Variants in IGFL4 observed in about 807,000 individuals in gnomAD.
The protein encoded by IGFL4 is IGF like family member 4.
In IGFL4, 12 loss-of-function variants were observed where a neutral mutation model predicts 15.4. That is an observed-to-expected ratio of 0.78 (90% CI 0.50 to 1.26). The LOEUF is 1.26. IGFL4 is among the 50% of genes most tolerant of loss of function. The probability of loss-of-function intolerance (pLI) is 0.00; values close to 1 mark genes in which losing one functional copy is unlikely to be tolerated. For synonymous variants in IGFL4, 54 were observed against 55.9 expected (o/e 0.97, Z 0.16); for missense variants, 126 against 147.8 (o/e 0.85, Z 0.76).
At chr19:46,076,361 T>C (rs1017751180) in intron 1 of IGFL4, among the ~76,000 whole-genome samples, 4 of 152,320 alleles carry the variant, frequency 2.6e-5, no homozygotes, top group Non-Finnish European at 2.9e-5. Context: ...TGGGAGCTCT[T>C]CTGTTGGCCC....
chr19:46,043,060 C>T (rs1969262213), upstream of IGFL4, among the ~76,000 whole-genome samples: 1 of 152,124 alleles, frequency 6.6e-6, no homozygotes, highest in South Asian at 2.1e-4. Context: ...AACCTACCCC[C>T]AAAGCTCCGG....
intron 1 of IGFL4, among the ~76,000 whole-genome samples, chr19:46,066,543 T>C (rs1969496610): frequency 6.6e-6 from 1 of 152,188 alleles, no homozygotes; most frequent in Non-Finnish European, 1.5e-5. Flanking sequence ...AGACGCTTAT[T>C]TGGCTCATGC....
At position 46,040,071 on chromosome 19, in the gene IGFL4, G is replaced by A. The variant is rs2146507244; in HGVS notation, c.330+86C>T. 1.3e-6 allele frequency: 2 copies of A among 1,552,938 alleles called. No individual in the cohort carries two copies. The highest frequency in any genetic ancestry group is 4.5e-5 in the East Asian group (2 of 44,526). On this transcript the variant is annotated intron_variant, in intron 3 of 3. Coordinates refer to ENST00000377697, the MANE Select transcript of IGFL4 (RefSeq NM_001002923.3). This position sits in a 1 kb window ranked among gnomAD's most constrained non-coding sequence, Gnocchi z 4.1. ...ATGGGAAGGTATGGAACCCAGCAGA[G>A]ACTGCACATCTGGGTGGGACATGGA...
At chr19:46,049,453 T>G (rs1969325631) in intron 2 of IGFL4, among the ~76,000 whole-genome samples, 1 of 152,130 alleles carries the variant, frequency 6.6e-6, no homozygotes, top group Non-Finnish European at 1.5e-5. Flanking sequence ...ACTGGCCTTT[T>G]GGGTTGTGGG....
chr19:46,053,110 TGG>T (rs1969362848), intron 2 of IGFL4, among the ~76,000 whole-genome samples: 3 of 152,184 alleles, frequency 2.0e-5, no homozygotes, highest in Admixed American at 2.0e-4. Context: ...TAATTGGGGT[TGG>T]CTAATAATAA....
chr19:46,059,283 A>C (rs1969422575), intron 2 of IGFL4: 1 of 152,166 alleles, frequency 6.6e-6, no homozygotes, highest in African/African-American at 2.4e-5. Context: ...AATGTCTCTG[A>C]CATTTCCCCC....
chr19:46,076,161 T>C (rs1969593603), intron 1 of IGFL4, among the ~76,000 whole-genome samples: 1 of 152,234 alleles, frequency 6.6e-6, no homozygotes, highest in African/African-American at 2.4e-5. Context: ...ATATGGGCAC[T>C]AATCCCACTC....
chr19:46,077,462 A>T (rs1969619997), upstream of IGFL4, among the ~76,000 whole-genome samples: 1 of 152,206 alleles, frequency 6.6e-6, no homozygotes. This position sits in a 1 kb window ranked among gnomAD's most constrained non-coding sequence, Gnocchi z 5.4. Context: ...GCTCGGGGGC[A>T]GCCAAAAGAA....
At chr19:46,060,214 G>A (rs778807526) in exon 2 of IGFL4, 4 of 152,270 alleles carry the variant, frequency 2.6e-5, no homozygotes, top group African/African-American at 7.2e-5. Context: ...GAGAAATCAG[G>A]CAGAGAGAAA....
At chr19:46,047,513 A>G (rs1969307832) in intron 2 of IGFL4, among the ~76,000 whole-genome samples, 1 of 152,182 alleles carries the variant, frequency 6.6e-6, no homozygotes, top group African/African-American at 2.4e-5. Flanking sequence ...TATAAAATAG[A>G]TAGACTGCTA....
At chr19:46,046,377 C>CA (rs1265468302) in intron 2 of IGFL4, among the ~76,000 whole-genome samples, 1 of 152,186 alleles carries the variant, frequency 6.6e-6, no homozygotes, top group Non-Finnish European at 1.5e-5. Context: ...CAGCTAGCAT[C>CA]ATGATGACAG....
chr19:46,069,011 G>A (rs984529881), intron 1 of IGFL4, among the ~76,000 whole-genome samples: 2 of 152,228 alleles, frequency 1.3e-5, no homozygotes, highest in Non-Finnish European at 1.5e-5. Context: ...GACTGGAGGG[G>A]CAGTGCTGAG....
chr19:46,051,062 G>T (rs1277153707), intron 2 of IGFL4, among the ~76,000 whole-genome samples: 3 of 152,206 alleles, frequency 2.0e-5, no homozygotes, highest in Non-Finnish European at 4.4e-5. Context: ...TTTTCATTCA[G>T]TGAAGCTAAG....
At chr19:46,053,095 T>A (rs1969362640) in intron 2 of IGFL4, among the ~76,000 whole-genome samples, 1 of 152,094 alleles carries the variant, frequency 6.6e-6, no homozygotes, top group Non-Finnish European at 1.5e-5. Context: ...GATAGGCAAG[T>A]TGTATAATTG....
Position 46,039,928 on chromosome 19 carries a change from G to A in IGFL4, c.339C>T (p.His113=), listed in dbSNP as rs1028169545. ...PITRICAQEY[H]PKSPVSRSDL... is the part of the protein sequence containing the mutation. ...CAGATCTTGACACAGGGCTTTTTGG[G>A]TGGTATTCCTGCAGAAGGAGAGAAG... is the stretch of plus-strand genomic sequence containing the variant. Residue 113 remains histidine, a synonymous_variant, in exon 4 of 4, where the codon CAC becomes CAT. Transcript: ENST00000377697. The A allele has an allele frequency of 4.3e-6, 7 of 1,613,304 alleles. No individual in the cohort carries two copies. The highest frequency in any genetic ancestry group is 5.9e-6 in the Non-Finnish European group (7 of 1,179,336).
At chr19:46,071,830 C>T (rs1969549705) in intron 1 of IGFL4, among the ~76,000 whole-genome samples, 1 of 152,152 alleles carries the variant, frequency 6.6e-6, no homozygotes, top group Admixed American at 6.5e-5. Flanking sequence ...AGACCAGCAA[C>T]TCCTGGGCAA....
At chr19:46,061,241 A>T (rs1969442347) in intron 1 of IGFL4, among the ~76,000 whole-genome samples, 1 of 152,198 alleles carries the variant, frequency 6.6e-6, no homozygotes, top group Non-Finnish European at 1.5e-5. Context: ...ATAATCTTTT[A>T]CCAAAAACAC....
chr19:46,066,297 A>T (rs949485379), intron 1 of IGFL4, among the ~76,000 whole-genome samples: 1 of 152,216 alleles, frequency 6.6e-6, no homozygotes, highest in Non-Finnish European at 1.5e-5. Flanking sequence ...CCCAAAACAT[A>T]CTAAAATGTT....
upstream of IGFL4, among the ~76,000 whole-genome samples, chr19:46,043,648 C>G (rs754361101): frequency 1.3e-5 from 2 of 151,874 alleles, no homozygotes; most frequent in African/African-American, 2.4e-5. Flanking sequence ...ACAAACATGG[C>G]AAATTGACTT....
Sources: gnomAD v4.1 joint callset for allele counts (sites outside exome capture counted in the v4.1 genomes callset) on GRCh38, gnomAD v4.1.1 for gene constraint, Gnocchi (gnomAD v3.1) non-coding constraint, MANE v1.5 for transcripts, NCBI Gene and HGNC (gene_info 2026-07-23, HGNC 2026-07-21) for gene names.